The following METTL24 variants were observed in gnomAD, a reference collection of about 807,000 sequenced individuals.
The protein encoded by METTL24 is probable methyltransferase-like protein 24.
In METTL24, 29 loss-of-function variants were observed where a neutral mutation model predicts 32.7. That is an observed-to-expected ratio of 0.89 (90% CI 0.66 to 1.21). The LOEUF (loss-of-function observed/expected upper bound fraction) is 1.21, where lower values mean the gene tolerates loss of function less well. Ranked by LOEUF, METTL24 falls within the 50% of genes most tolerant of loss-of-function variation. The pLI is 0.00. For missense variants in METTL24, 439 were observed against 468.1 expected (o/e 0.94, Z 0.57); for synonymous variants, 163 against 179.5 (o/e 0.91, Z 0.73).
chr6:110,346,227 G>A (rs73763038), intron 1 of METTL24, among the ~76,000 whole-genome samples: 1,574 of 152,296 alleles, frequency 0.01, 33 homozygotes, highest in African/African-American at 0.037. Context: ...CCCAGTGATA[G>A]AAACAACCAT....
At chr6:110,335,015 G>A (rs1772185657) in intron 1 of METTL24, among the ~76,000 whole-genome samples, 1 of 152,174 alleles carries the variant, frequency 6.6e-6, no homozygotes, top group South Asian at 2.1e-4. Flanking sequence ...GAATCTCTGG[G>A]AAGCTGCCAC....
intron 1 of METTL24, among the ~76,000 whole-genome samples, chr6:110,349,002 T>A (rs1772538361): frequency 6.6e-6 from 1 of 152,164 alleles, no homozygotes. Flanking sequence ...GTCTGCTTCA[T>A]TTTAGATCTC....
At chr6:110,331,702 A>AC (rs1318138747) in intron 1 of METTL24, among the ~76,000 whole-genome samples, 6 of 150,930 alleles carry the variant, frequency 4.0e-5, no homozygotes, top group Non-Finnish European at 7.4e-5. Context: ...TGACTGAAAG[A>AC]CCCCCCAAAT....
At chr6:110,351,240 T>C (rs760222380) in intron 1 of METTL24, among the ~76,000 whole-genome samples, 2 of 152,138 alleles carry the variant, frequency 1.3e-5, no homozygotes, top group Non-Finnish European at 2.9e-5. Flanking sequence ...AATCAATGTC[T>C]TCACAAATGA....
rs1316692351 is a variant in METTL24 at position 110,255,509 on chromosome 6, G to A, written c.787-9249C>T. ...GCACAAACGTAGGCAGGACTGAGGC[G>A]GTAGCAAGGGACCTGACCGAGGGCA... is the stretch of plus-strand genomic sequence containing the variant. On this transcript the variant is annotated intron_variant, in intron 4 of 4. Coordinates refer to ENST00000338882, the MANE Select transcript of METTL24 (RefSeq NM_001123364.3). Among the ~76,000 whole-genome samples the A allele has an allele frequency of 2.6e-5, 4 of 152,028 alleles. No homozygotes were observed. In the South Asian group the frequency reaches 6.2e-4, roughly 24 times the overall value.
intron 4 of METTL24, among the ~76,000 whole-genome samples, chr6:110,291,692 C>G (rs191217741): frequency 6.6e-6 from 1 of 152,166 alleles, no homozygotes; most frequent in Non-Finnish European, 1.5e-5. Flanking sequence ...TCTCCCTCCT[C>G]CCACCCTCCA....
chr6:110,295,794 A>AAAAGAAAGAAAGGAAGGAAGG (rs1771403233), intron 4 of METTL24, among the ~76,000 whole-genome samples: 181 of 136,320 alleles, frequency 1.3e-3, no homozygotes, highest in African/African-American at 5.4e-3. Context: ...AGAAAGAAAG[A>AAAAGAAAGAAAGGAAGGAAGG]AAGGAAGGAA....
chr6:110,280,220 G>T (rs886162705), intron 4 of METTL24, among the ~76,000 whole-genome samples: 3 of 152,094 alleles, frequency 2.0e-5, no homozygotes, highest in Non-Finnish European at 4.4e-5. Flanking sequence ...AACTATATCA[G>T]CACTTTTACC....
In METTL24 at chr6:110,332,482, A is replaced by G. The variant is rs192779522; in HGVS notation, c.319-9610T>C. On this transcript the variant is annotated intron_variant, in intron 1 of 4. Transcript: ENST00000338882. Reference sequence around the variant, plus strand: ...AAAGCCGAGATTTTCACTTGTTTTCATGAGGTGGAAACTACACAGTGTCTG... The same window carrying G: ...AAAGCCGAGATTTTCACTTGTTTTCGTGAGGTGGAAACTACACAGTGTCTG... 182 of 982,918 alleles carry G rather than the reference A, an allele frequency of 1.9e-4. No individual in the cohort carries two copies. In the African/African-American group the frequency reaches 3.1e-3, roughly 17 times the overall value. The allele number at this position is 982,918 out of a possible 1,614,324, so 60.9% of individuals were successfully genotyped here.
At chr6:110,293,607 T>G (rs1338075214) in intron 4 of METTL24, among the ~76,000 whole-genome samples, 3 of 151,994 alleles carry the variant, frequency 2.0e-5, no homozygotes, top group Admixed American at 2.0e-4. Flanking sequence ...TCTTATTGTA[T>G]TAGCTGTTAT....
At chr6:110,256,856 A>G (rs932777974) in intron 4 of METTL24, among the ~76,000 whole-genome samples, 3 of 152,150 alleles carry the variant, frequency 2.0e-5, no homozygotes, top group Admixed American at 1.3e-4. Flanking sequence ...CTTTCTGCCC[A>G]TTTCTCTATT....
rs551704186 is a variant in METTL24 at position 110,334,285 on chromosome 6, T to C, written c.319-11413A>G. 1.2e-4 allele frequency among the ~76,000 whole-genome samples: 18 copies of C among 152,212 alleles called. No individual in the cohort carries two copies. In the East Asian group the frequency reaches 3.3e-3, roughly 28 times the overall value. ...TCCTTTCCAGGCTTTAAACCAGAAG[T>C]CATTTTTATCACGGAAAAGAATTAA... On this transcript the variant is annotated intron_variant, in intron 1 of 4. Transcript: ENST00000338882.
chr6:110,266,871 C>T (rs1388935674), intron 4 of METTL24, among the ~76,000 whole-genome samples: 1 of 151,872 alleles, frequency 6.6e-6, no homozygotes, highest in African/African-American at 2.4e-5. Flanking sequence ...TCAAGTAGAA[C>T]AAGAAAACAA....
chr6:110,351,496 T>C (rs1402745002), intron 1 of METTL24, among the ~76,000 whole-genome samples: 1 of 152,164 alleles, frequency 6.6e-6, no homozygotes, highest in Admixed American at 6.5e-5. Flanking sequence ...CTAGGATTAG[T>C]AAAACCAAAG....
At chr6:110,330,251 C>T (rs1470082479) in intron 1 of METTL24, among the ~76,000 whole-genome samples, 2 of 152,166 alleles carry the variant, frequency 1.3e-5, no homozygotes, top group African/African-American at 4.8e-5. Flanking sequence ...TAGAACTCTG[C>T]GAAAACGGAA....
rs564117057 is a variant in METTL24 at position 110,260,896 on chromosome 6, CT to C, written c.787-14637del. 1.6e-3 allele frequency among the ~76,000 whole-genome samples: 248 copies of C among 152,294 alleles called. 1 individual carries two copies. Among genetic ancestry groups the C allele is most frequent in the African/African-American group, 4.9e-3 (203 of 41,552 alleles). On this transcript the variant is annotated intron_variant, in intron 4 of 4. Transcript: ENST00000338882. ...TCATAAGTGAAGGAGAAATAAAATA[CT>C]TTACAGACAAGCAAATGCTGAGAGA...
intron 1 of METTL24, chr6:110,332,607 G>T: frequency 2.4e-6 from 1 of 412,538 alleles, no homozygotes; most frequent in Non-Finnish European, 3.3e-6. Flanking sequence ...ATGAAAGTAA[G>T]TTTATATAAG....
At chr6:110,285,505 C>G (rs1046678049) in intron 4 of METTL24, among the ~76,000 whole-genome samples, 9 of 152,168 alleles carry the variant, frequency 5.9e-5, no homozygotes, top group African/African-American at 1.7e-4. Flanking sequence ...CACTGCTGAG[C>G]TCCCAAGGCA....
chr6:110,297,030 G>A (rs1771432288), intron 4 of METTL24, among the ~76,000 whole-genome samples: 1 of 152,136 alleles, frequency 6.6e-6, no homozygotes, highest in African/African-American at 2.4e-5. Flanking sequence ...CTCTATGGAA[G>A]AATATCAATA....
Sources: allele counts gnomAD v4.1 joint callset (sites outside exome capture counted in the v4.1 genomes callset), GRCh38; gene constraint gnomAD v4.1.1; transcripts MANE v1.5; gene names NCBI Gene and HGNC (gene_info 2026-07-23, HGNC 2026-07-21).